The following NOXRED1 variants were observed in gnomAD, a reference collection of about 807,000 sequenced individuals.
NOXRED1 encodes NADP-dependent oxidoreductase domain-containing protein 1.
In NOXRED1, 20 loss-of-function variants were observed where a neutral mutation model predicts 30.4. The observed-to-expected ratio is 0.66, with a 90% confidence interval of 0.46 to 0.96. NOXRED1 has a LOEUF of 0.96. Among genes scored for constraint, NOXRED1 ranks in the 40% least tolerant of loss-of-function variants. NOXRED1 has a pLI of 0.00. For synonymous variants in NOXRED1, 155 were observed against 168.0 expected, an observed-to-expected ratio of 0.92 and a Z score of 0.60; for missense variants, 374 against 428.0, an observed-to-expected ratio of 0.87 and a Z score of 1.11.
chr14:77,419,446 CTTTTTTTTTTTT>C (rs35341872), intron 1 of NOXRED1, among the ~76,000 whole-genome samples: 2 of 91,516 alleles, frequency 2.2e-5, no homozygotes, highest in African/African-American at 7.5e-5. Flanking sequence ...TTTCTTTTTC[CTTTTTTTTTTTT>C]TTTTTTTTGA....
At chr14:77,396,976 A>G (rs1377901703) in intron 5 of NOXRED1, among the ~76,000 whole-genome samples, 2 of 152,242 alleles carry the variant, frequency 1.3e-5, no homozygotes, top group South Asian at 2.1e-4. Flanking sequence ...TACTACTGTG[A>G]AAAACAATTT....
rs539397190 is a variant in NOXRED1 at position 77,416,230 on chromosome 14, A to G, written c.156-2103T>C. ...TGAAAAATGTCATTGGGATTTTGAT[A>G]AGGATTGCAGTGCATCTGTAGACAG... On this transcript the variant is annotated intron_variant, in intron 1 of 5. Transcript: ENST00000380835. Among the ~76,000 whole-genome samples the G allele has an allele frequency of 2.0e-5, 3 of 152,296 alleles. No homozygotes were observed. In the South Asian group the frequency reaches 6.2e-4, roughly 32 times the overall value.
At chr14:77,416,654 T>TC (rs1269913147) in intron 1 of NOXRED1, among the ~76,000 whole-genome samples, 2 of 148,554 alleles carry the variant, frequency 1.3e-5, no homozygotes, top group African/African-American at 5.0e-5. Flanking sequence ...TCCCCACCCT[T>TC]CCCCCCTTTC....
chr14:77,394,907 A>G (rs940199858), intron 5 of NOXRED1, 102 bp from the exon 6 acceptor site: 31 of 734,322 alleles, frequency 4.2e-5, no homozygotes, highest in Non-Finnish European at 5.6e-5. Flanking sequence ...TTACCTTTTC[A>G]TAAACTAGAA....
chr14:77,394,355 T>C lies in NOXRED1; in HGVS notation c.*276A>G. On this transcript the variant is annotated 3_prime_UTR_variant, in exon 6 of 6. Coordinates refer to ENST00000380835, the MANE Select transcript of NOXRED1 (RefSeq NM_001113475.3). ...CTTTAATTTTAGAAGAGAAATAATT[T>C]GTATTAACAAGACTTTTCTGCGGGA... The C allele has an allele frequency of 3.8e-6, 1 of 260,556 alleles. No individual in the cohort carries two copies. The highest frequency in any genetic ancestry group is 7.2e-6 in the Non-Finnish European group (1 of 139,376). The allele number at this position is 260,556 out of a possible 1,614,324, so 16.1% of individuals were successfully genotyped here.
chr14:77,417,048 T>C (rs1894847743), intron 1 of NOXRED1, among the ~76,000 whole-genome samples: 1 of 152,188 alleles, frequency 6.6e-6, no homozygotes, highest in Non-Finnish European at 1.5e-5. Flanking sequence ...TCCTGTTTGA[T>C]TCATTGGTTG....
chr14:77,414,167 A>T, intron 1 of NOXRED1, 40 bp from the exon 2 acceptor site: 1 of 1,227,462 alleles, frequency 8.1e-7, no homozygotes, highest in Non-Finnish European at 1.1e-6. Context: ...AAATACATGC[A>T]CACACTAGTT....
At chr14:77,423,743 T>C (rs1895060872), upstream of NOXRED1, among the ~76,000 whole-genome samples, 2 of 152,212 alleles carry the variant, frequency 1.3e-5, no homozygotes, top group African/African-American at 4.8e-5. Flanking sequence ...TAGGGGTTTT[T>C]TTTGCAGACT....
intron 3 of NOXRED1, 74 bp from the exon 4 acceptor site, chr14:77,406,949 A>G: frequency 7.4e-7 from 1 of 1,350,314 alleles, no homozygotes; most frequent in Non-Finnish European, 1.0e-6. Flanking sequence ...CTGTGTTTAC[A>G]TCCAACCCCA....
At chr14:77,408,892 A>ATTTTTTTTTTTT (rs1177680524) in intron 2 of NOXRED1, among the ~76,000 whole-genome samples, 8,175 of 67,874 alleles carry the variant, frequency 0.12, 2,445 homozygotes, top group Middle Eastern at 0.2. Flanking sequence ...CTGGTAGTTA[A>ATTTTTTTTTTTT]TTTTTTTTTT....
intron 1 of NOXRED1, among the ~76,000 whole-genome samples, chr14:77,422,174 T>C (rs1472806770): frequency 1.3e-5 from 2 of 152,108 alleles, no homozygotes; most frequent in Non-Finnish European, 2.9e-5. Flanking sequence ...AGCCTAATTA[T>C]AGGTACCTGC....
intron 5 of NOXRED1, among the ~76,000 whole-genome samples, chr14:77,399,543 C>G (rs750461285): frequency 2.6e-5 from 4 of 152,050 alleles, no homozygotes; most frequent in Non-Finnish European, 4.4e-5. Context: ...GTTCCAGGAA[C>G]CAAAAATAAA....
intron 2 of NOXRED1, among the ~76,000 whole-genome samples, chr14:77,408,152 G>A (rs1190393557): frequency 1.3e-5 from 2 of 152,176 alleles, no homozygotes; most frequent in Non-Finnish European, 1.5e-5. Flanking sequence ...ACAGGCGTGA[G>A]CCACCACGCC....
At position 77,394,357 on chromosome 14, in the gene NOXRED1, T is replaced by G. The variant is rs776577163; in HGVS notation, c.*274A>C. 6 of 267,094 alleles carry G rather than the reference T, an allele frequency of 2.2e-5. No individual in the cohort carries two copies. The highest frequency in any genetic ancestry group is 1.1e-4 in the Admixed American group (2 of 18,958). The allele number at this position is 267,094 out of a possible 1,614,324, so 16.5% of individuals were successfully genotyped here. On this transcript the variant is annotated 3_prime_UTR_variant, in exon 6 of 6. Coordinates refer to ENST00000380835, the MANE Select transcript of NOXRED1 (RefSeq NM_001113475.3). ...TTAATTTTAGAAGAGAAATAATTTG[T>G]ATTAACAAGACTTTTCTGCGGGAGC...
chr14:77,415,860 C>A (rs1375255199), intron 1 of NOXRED1, among the ~76,000 whole-genome samples: 1 of 152,038 alleles, frequency 6.6e-6, no homozygotes, highest in Non-Finnish European at 1.5e-5. Flanking sequence ...AGGCGCGTGT[C>A]ACCACACCCC....
At chr14:77,416,871 G>T (rs777537710) in intron 1 of NOXRED1, among the ~76,000 whole-genome samples, 1 of 151,924 alleles carries the variant, frequency 6.6e-6, no homozygotes, top group Non-Finnish European at 1.5e-5. Flanking sequence ...GCGGCTGGCC[G>T]GGCAGAGGGG....
chr14:77,425,541 A>T (rs1895102767), upstream of NOXRED1, among the ~76,000 whole-genome samples: 1 of 152,266 alleles, frequency 6.6e-6, no homozygotes, highest in African/African-American at 2.4e-5. Flanking sequence ...TGTTTCTTCA[A>T]TAGCAAGAAG....
At chr14:77,419,558 C>T (rs1423577228) in intron 1 of NOXRED1, among the ~76,000 whole-genome samples, 1 of 150,742 alleles carries the variant, frequency 6.6e-6, no homozygotes, top group Non-Finnish European at 1.5e-5. Context: ...ACGCCATTCT[C>T]CTGCCTCAGC....
At chr14:77,413,888 T>C in intron 2 of NOXRED1, 46 bp downstream of exon 2, 1 of 1,415,024 alleles carries the variant, frequency 7.1e-7, no homozygotes, top group Non-Finnish European at 9.6e-7. Context: ...TGTTGACACC[T>C]ACACAGCACA....
Sources: allele counts gnomAD v4.1 joint callset (sites outside exome capture counted in the v4.1 genomes callset), GRCh38; gene constraint gnomAD v4.1.1; transcripts MANE v1.5; gene names NCBI Gene and HGNC (gene_info 2026-07-23, HGNC 2026-07-21).